NECAB2: variants seen among roughly 807,000 people sequenced by gnomAD.
NECAB2 encodes the protein N-terminal EF-hand calcium binding protein 2.
NECAB2 carries 68 observed loss-of-function variants against 51.9 expected under a neutral mutation model. That is an observed-to-expected ratio of 1.31 (90% confidence interval 1.08 to 1.60). The LOEUF (loss-of-function observed/expected upper bound fraction) is 1.60, where lower values mean the gene tolerates loss of function less well. Among genes scored for constraint, NECAB2 ranks in the 40% most tolerant of loss-of-function variants. The pLI, the probability that NECAB2 is intolerant of heterozygous loss-of-function variation, is 0.00. For missense variants in NECAB2, 854 were observed against 490.3 expected (o/e 1.74, Z -7.00); for synonymous variants, 329 against 203.5 (o/e 1.62, Z -5.25).
chr16:83,997,066 C>G (rs1370768964), intron 8 of NECAB2, 150 bp from the exon 9 acceptor site: 3 of 782,308 alleles, frequency 3.8e-6, no homozygotes, highest in Non-Finnish European at 6.1e-6. Context: ...GAGGGAGTCT[C>G]TGCCACTTCC....
intron 5 of NECAB2, among the ~76,000 whole-genome samples, chr16:83,983,577 T>A (rs1404817695): frequency 1.3e-5 from 2 of 152,254 alleles, no homozygotes; most frequent in Non-Finnish European, 2.9e-5. Flanking sequence ...TTGGTATTTT[T>A]AAATGATCAT....
upstream of NECAB2, chr16:83,966,337 A>C: frequency 4.3e-5 from 16 of 372,010 alleles, no homozygotes; most frequent in East Asian, 9.3e-5. Flanking sequence ...ACCTGCTCTC[A>C]TGCGTCTGAG....
At chr16:83,992,377 T>TTCCCCCCCCCCCC (rs1555548086) in intron 6 of NECAB2, among the ~76,000 whole-genome samples, 2 of 133,046 alleles carry the variant, frequency 1.5e-5, no homozygotes, top group African/African-American at 6.4e-5. Flanking sequence ...CGAGCACCCG[T>TTCCCCCCCCCCCC]CCCCCCGCCC....
rs369571084 is a variant in NECAB2 at position 83,978,549 on chromosome 16, C to G, written c.332C>G (p.Thr111Ser). The G allele has an allele frequency of 3.7e-5, 60 of 1,611,678 alleles. No individual in the cohort carries two copies. Among genetic ancestry groups the G allele is most frequent in the Non-Finnish European group, 4.8e-5 (57 of 1,178,378 alleles). ...TTTCACACGATTGACTCTGACAACA[C>G]CAAGTGAGCTTCAGTCCTGGCTGGC... Reference protein sequence around the residue: ...DLFHTIDSDNTNHVDTKELCD... With the variant: ...DLFHTIDSDNSNHVDTKELCD... Residue 111 changes from threonine (T) to serine (S), a missense_variant, in exon 3 of 13, where the codon ACC becomes AGC. Thr to Ser is a moderately conservative substitution (Grantham distance 58, BLOSUM62 1). Coordinates refer to ENST00000305202, the MANE Select transcript of NECAB2 (RefSeq NM_019065.3).
chr16:83,998,393 A>G, intron 10 of NECAB2, 76 bp downstream of exon 10: 1 of 1,408,186 alleles, frequency 7.1e-7, no homozygotes. Context: ...GGGCAGGACT[A>G]GGCTTTGCCC....
chr16:83,988,600 C>T (rs1474694381), intron 5 of NECAB2, among the ~76,000 whole-genome samples: 3 of 152,160 alleles, frequency 2.0e-5, no homozygotes, highest in Admixed American at 1.3e-4. Context: ...GTCATAACTT[C>T]CCCATATGAA....
chr16:83,990,278 T>C (rs1228528280), intron 5 of NECAB2, among the ~76,000 whole-genome samples: 1 of 152,192 alleles, frequency 6.6e-6, no homozygotes, highest in African/African-American at 2.4e-5. Flanking sequence ...TAGTAAGTGG[T>C]GAAGCCAGGG....
chr16:83,979,463 C>T lies in NECAB2; in HGVS notation c.335+911C>T, dbSNP rs369083697. Among the ~76,000 whole-genome samples the T allele has an allele frequency of 8.6e-5, 13 of 152,044 alleles. No individual in the cohort carries two copies. The East Asian group carries it at 1.2e-3, about 13-fold the overall frequency. On this transcript the variant is annotated intron_variant, in intron 3 of 12. Transcript: ENST00000305202. ...GTCCTGGGGGGCACTGGCTGGGGAC[C>T]GGGATATGGTAAGTGGAGCAGATAC...
chr16:83,973,667 C>G (rs973358726), intron 2 of NECAB2, among the ~76,000 whole-genome samples: 4 of 152,170 alleles, frequency 2.6e-5, no homozygotes, highest in Non-Finnish European at 5.9e-5. Flanking sequence ...TGGCCTGGCT[C>G]CTCCAGCAGG....
intron 1 of NECAB2, 182 bp from the exon 2 acceptor site, chr16:83,971,969 A>G (rs2084352703): frequency 5.3e-6 from 4 of 759,214 alleles, no homozygotes; most frequent in African/African-American, 1.8e-5. Context: ...TCTGTCTGCA[A>G]CATCCCTCAT....
At chr16:83,990,405 C>T (rs973997377) in intron 5 of NECAB2, 89 bp from the exon 6 acceptor site, 1 of 1,520,774 alleles carries the variant, frequency 6.6e-7, no homozygotes, top group Non-Finnish European at 9.0e-7. Flanking sequence ...TTCACCAGCA[C>T]CAGCTTTCCC....
chr16:83,967,705 C>CGGAT (rs60129536), upstream of NECAB2, among the ~76,000 whole-genome samples: 13,395 of 77,054 alleles, frequency 0.17, 1,443 homozygotes, highest in African/African-American at 0.32. Context: ...GATGGATGGA[C>CGGAT]GGATGGATGG....
At chr16:83,982,794 T>A (rs1347036609) in intron 5 of NECAB2, among the ~76,000 whole-genome samples, 3 of 152,192 alleles carry the variant, frequency 2.0e-5, no homozygotes, top group African/African-American at 7.2e-5. Flanking sequence ...TTGGTGGTTT[T>A]TTTGTGGCAG....
At chr16:83,992,072 T>G (rs146130363) in intron 6 of NECAB2, among the ~76,000 whole-genome samples, 1 of 152,216 alleles carries the variant, frequency 6.6e-6, no homozygotes, top group Non-Finnish European at 1.5e-5. Context: ...TTGTTTACGA[T>G]CCAGCTTGAA....
chr16:83,992,133 G>C (rs1376938382), intron 6 of NECAB2, among the ~76,000 whole-genome samples: 3 of 152,172 alleles, frequency 2.0e-5, no homozygotes, highest in Non-Finnish European at 4.4e-5. Context: ...GGGGAAATCA[G>C]AGAGGTGTTG....
intron 10 of NECAB2, among the ~76,000 whole-genome samples, chr16:83,999,574 C>T (rs1255943619): frequency 6.6e-6 from 1 of 152,152 alleles, no homozygotes; most frequent in African/African-American, 2.4e-5. Context: ...ACTGTAGCCC[C>T]TCCTCCCCAG....
chr16:83,997,041 G>GC (rs1372695898), intron 8 of NECAB2, among the ~76,000 whole-genome samples, 175 bp from the exon 9 acceptor site: 2 of 150,264 alleles, frequency 1.3e-5, no homozygotes, highest in African/African-American at 5.0e-5. Context: ...CATGTTCTAG[G>GC]CCCCCTGTAG....
chr16:83,971,243 G>A (rs2084343838), intron 1 of NECAB2, among the ~76,000 whole-genome samples: 1 of 152,206 alleles, frequency 6.6e-6, no homozygotes, highest in South Asian at 2.1e-4. Flanking sequence ...GAATAGCAAG[G>A]TCTTAGCGCA....
chr16:83,991,335 T>G (rs1391444855), intron 6 of NECAB2, among the ~76,000 whole-genome samples: 1 of 151,588 alleles, frequency 6.6e-6, no homozygotes, highest in East Asian at 1.9e-4. Context: ...CATTCGTTCT[T>G]TTTTCTTTTT....
Sources: gnomAD v4.1 joint callset for allele counts (sites outside exome capture counted in the v4.1 genomes callset) on GRCh38, gnomAD v4.1.1 for gene constraint, MANE v1.5 for transcripts, NCBI Gene and HGNC (gene_info 2026-07-23, HGNC 2026-07-21) for gene names.